RAB9A: variants seen among roughly 807,000 people sequenced by gnomAD.
RAB9A encodes the protein RAB9A, member RAS oncogene family, also known as ras-related protein Rab-9A.
A neutral mutation model predicts 10.3 loss-of-function variants in RAB9A; 1 was observed. That is an observed-to-expected ratio of 0.10 (90% CI 0.03 to 0.46). RAB9A has a LOEUF of 0.46. Among genes scored for constraint, RAB9A ranks in the 20% least tolerant of loss-of-function variants. The probability of loss-of-function intolerance (pLI) is 0.96; values close to 1 mark genes in which losing one functional copy is unlikely to be tolerated. For synonymous variants in RAB9A, 39 were observed against 55.2 expected (o/e 0.71, Z 1.30); for missense variants, 92 against 150.3 (o/e 0.61, Z 2.03).
chrX:13,709,456 T>A lies in RAB9A; in HGVS notation c.*104T>A. On this transcript the variant is annotated 3_prime_UTR_variant, in exon 3 of 3. Transcript: ENST00000464506. Reference sequence around the variant, plus strand: ...TTTGCAGCAGTGTATCATCTACTAATAAAATTAAACTAATGTTGCTGCTTC... The same window carrying A: ...TTTGCAGCAGTGTATCATCTACTAAAAAAATTAAACTAATGTTGCTGCTTC... 1 of 938,399 alleles carries A rather than the reference T, an allele frequency of 1.1e-6. No homozygotes were observed. Among genetic ancestry groups the A allele is most frequent in the African/African-American group, 2.0e-5 (1 of 51,046 alleles). The allele number at this position is 938,399 out of a possible 1,213,427, so 77.3% of individuals were successfully genotyped here.
rs16979143 is a variant in RAB9A at position 13,706,780 on chromosome X, T to C, written c.-26-1941T>C. ...TTTTTTAATAGTATTTCCCATTCAC[T>C]TGATTTCTCACTATACAAGCCACTA... On this transcript the variant is annotated intron_variant, in intron 2 of 2. Coordinates refer to ENST00000464506, the MANE Select transcript of RAB9A (RefSeq NM_004251.5). Among the ~76,000 whole-genome samples, 734 of 111,278 alleles carry C rather than the reference T, an allele frequency of 6.6e-3. 4 individuals are homozygous for C. The highest frequency in any genetic ancestry group is 0.023 in the African/African-American group (703 of 30,599).
rs748251427 is a variant in RAB9A at position 13,700,938 on chromosome X, A to G, written c.-115-2876A>G. Among the ~76,000 whole-genome samples, 3 of 110,767 alleles carry G rather than the reference A, an allele frequency of 2.7e-5. No individual in the cohort carries two copies. The Admixed American group carries it at 2.9e-4, about 11-fold the overall frequency. On this transcript the variant is annotated intron_variant, in intron 1 of 2. Coordinates refer to ENST00000464506, the MANE Select transcript of RAB9A (RefSeq NM_004251.5). ...AGGCATGCGCCACCATGTCCAGCTAATTTTTGTATTTTTTGTAGAGATGAA... is the reference window on the plus strand; with the variant it reads ...AGGCATGCGCCACCATGTCCAGCTAGTTTTTGTATTTTTTGTAGAGATGAA...
At chrX:13,708,589 A>G in intron 2 of RAB9A, 132 bp from the exon 3 acceptor site, 1 of 571,566 alleles carries the variant, frequency 1.7e-6, no homozygotes, top group Non-Finnish European at 2.7e-6. Flanking sequence ...AGTGCTCAGT[A>G]AACAACAAGT....
chrX:13,701,227 C>T (rs1201035758), intron 1 of RAB9A, among the ~76,000 whole-genome samples: 1 of 109,226 alleles, frequency 9.2e-6, no homozygotes, highest in Non-Finnish European at 1.9e-5. Context: ...CCTGCCACTG[C>T]CCCCCGCCCC....
chrX:13,691,794 G>T (rs1270367237), intron 1 of RAB9A, among the ~76,000 whole-genome samples: 3 of 108,366 alleles, frequency 2.8e-5, no homozygotes, highest in Non-Finnish European at 5.7e-5. Flanking sequence ...AGAAAGTTTA[G>T]TTTCTGCATT....
chrX:13,692,125 A>G (rs897238514), intron 1 of RAB9A, among the ~76,000 whole-genome samples: 3 of 110,448 alleles, frequency 2.7e-5, no homozygotes, highest in Non-Finnish European at 5.7e-5. Flanking sequence ...CAACATAGTG[A>G]GACCCCCGTC....
chrX:13,702,398 A>G (rs2046178158), intron 1 of RAB9A, among the ~76,000 whole-genome samples: 1 of 112,245 alleles, frequency 8.9e-6, no homozygotes, highest in Non-Finnish European at 1.9e-5. Flanking sequence ...TAAAATGATC[A>G]TGGAGACATT....
chrX:13,698,078 T>G (rs2046155609), intron 1 of RAB9A, among the ~76,000 whole-genome samples: 2 of 111,567 alleles, frequency 1.8e-5, no homozygotes, highest in South Asian at 3.7e-4. Flanking sequence ...ACAGTGCAGA[T>G]TATAGAACAT....
At chrX:13,689,384 G>A (rs963745702) in intron 1 of RAB9A, 96 bp downstream of exon 1, 4 of 112,517 alleles carry the variant, frequency 3.6e-5, no homozygotes, top group African/African-American at 1.3e-4. Context: ...GGGGCGGGGT[G>A]CGGTGCGCGC....
At chrX:13,704,772 G>A (rs187187957) in intron 2 of RAB9A, among the ~76,000 whole-genome samples, 1 of 110,102 alleles carries the variant, frequency 9.1e-6, no homozygotes, top group East Asian at 2.8e-4. Flanking sequence ...GTGCTACCAC[G>A]CCCGGCTAAT....
At chrX:13,695,224 C>G (rs1442127266) in intron 1 of RAB9A, among the ~76,000 whole-genome samples, 1 of 112,353 alleles carries the variant, frequency 8.9e-6, no homozygotes, top group African/African-American at 3.2e-5. Context: ...CACTCTGTCA[C>G]TCCCGGACCA....
Sources: gnomAD v4.1 joint callset for allele counts (sites outside exome capture counted in the v4.1 genomes callset) on GRCh38, gnomAD v4.1.1 for gene constraint, MANE v1.5 for transcripts, NCBI Gene and HGNC (gene_info 2026-07-23, HGNC 2026-07-21) for gene names.